The following ERFL variants were observed in gnomAD, a reference collection of about 807,000 sequenced individuals.
The protein encoded by ERFL is ETS repressor factor like.
A neutral mutation model predicts 27.9 loss-of-function variants in ERFL; 8 were observed. The observed-to-expected ratio is 0.29, with a 90% CI of 0.17 to 0.52. The LOEUF (loss-of-function observed/expected upper bound fraction) is 0.52. ERFL is among the 20% of genes least tolerant of loss of function. ERFL has a pLI of 0.97. For synonymous variants in ERFL, 174 were observed against 202.8 expected, an observed-to-expected ratio of 0.86 and a Z score of 1.21; for missense variants, 294 against 444.4, an observed-to-expected ratio of 0.66 and a Z score of 3.04.
chr19:41,912,459 G>A (rs367809856), intron 2 of ERFL, among the ~76,000 whole-genome samples: 7 of 152,276 alleles, frequency 4.6e-5, no homozygotes, highest in South Asian at 4.1e-4. Flanking sequence ...GGGCAGTGCC[G>A]TCTGTCTACC....
intron 1 of ERFL, among the ~76,000 whole-genome samples, chr19:41,926,055 AG>A (rs1398716727): frequency 6.6e-6 from 1 of 152,060 alleles, no homozygotes; most frequent in Non-Finnish European, 1.5e-5. Flanking sequence ...CGAATGTGTG[AG>A]GAACAGGTGA....
chr19:41,909,256 A>G lies in ERFL; in HGVS notation c.498+20T>C, dbSNP rs1334891734. On this transcript the variant is annotated intron_variant, in intron 4 of 5. Transcript: ENST00000597630. This position sits in a 1 kb window ranked among gnomAD's most constrained non-coding sequence, Gnocchi z 5.2. ...GGGCACCAAGTGCCTCGGTTCCAGG[A>G]CCCCAGTACCCAGACTCACCTCAGG... 2.4e-6 allele frequency: 3 copies of G among 1,230,566 alleles called. No individual in the cohort carries two copies. The East Asian group carries it at 9.5e-5, about 39-fold the overall frequency. The allele number at this position is 1,230,566 out of a possible 1,614,324, so 76.2% of individuals were successfully genotyped here. A position where few individuals can be genotyped will look rare whatever the true frequency, so the allele number is the denominator to read the frequency against.
At chr19:41,923,314 C>T in intron 1 of ERFL, 1 of 382,718 alleles carries the variant, frequency 2.6e-6, no homozygotes, top group Non-Finnish European at 5.2e-6. Flanking sequence ...AGGAAAGAGA[C>T]AAGACAAGGA....
Position 41,917,668 on chromosome 19 carries a change from CCT to C in ERFL, c.-13-4738_-13-4737del, listed in dbSNP as rs2074810316. Among the ~76,000 whole-genome samples the C allele has an allele frequency of 1.3e-5, 2 of 151,854 alleles. No homozygotes were observed. The highest frequency in any genetic ancestry group is 4.8e-5 in the African/African-American group (2 of 41,270). On this transcript the variant is annotated intron_variant, in intron 1 of 5. Coordinates refer to ENST00000597630, the MANE Select transcript of ERFL (RefSeq NM_001365103.2). The surrounding 1 kb of genome is among the most constrained non-coding windows in gnomAD (Gnocchi z 4.8). ...CACACGCACGCACGCACACACACAC[CCT>C]GACTGCACCCACCCATGGCCACACG...
chr19:41,927,495 C>T (rs2074878448), intron 1 of ERFL, among the ~76,000 whole-genome samples: 1 of 152,110 alleles, frequency 6.6e-6, no homozygotes, highest in Non-Finnish European at 1.5e-5. Flanking sequence ...GATCCCCAGT[C>T]CCAGATATCC....
In ERFL at chr19:41,916,727, A is replaced by G. The variant is rs556001517; in HGVS notation, c.-13-3795T>C. On this transcript the variant is annotated intron_variant, in intron 1 of 5. Coordinates refer to ENST00000597630, the MANE Select transcript of ERFL (RefSeq NM_001365103.2). The surrounding 1 kb of genome is among the most constrained non-coding windows in gnomAD (Gnocchi z 5.4). Reference sequence around the variant, plus strand: ...CTTGGTCACGCATGGAGCCGTAGAGATACACACACCAGCACCAACCCAGAC... The same window carrying G: ...CTTGGTCACGCATGGAGCCGTAGAGGTACACACACCAGCACCAACCCAGAC... Among the ~76,000 whole-genome samples, 3 of 151,968 alleles carry G rather than the reference A, an allele frequency of 2.0e-5. No homozygotes were observed. Among genetic ancestry groups the G allele is most frequent in the African/African-American group, 2.4e-5 (1 of 41,434 alleles).
At position 41,909,143 on chromosome 19, in the gene ERFL, C is replaced by T. The variant is rs563984406; in HGVS notation, c.533G>A (p.Gly178Glu). 263 of 1,231,914 alleles carry T rather than the reference C, an allele frequency of 2.1e-4. No homozygotes were observed. Among genetic ancestry groups the T allele is most frequent in the Non-Finnish European group, 2.6e-4 (256 of 988,160 alleles). 76.3% of individuals were successfully genotyped at this position (1,231,914 alleles called of 1,614,324 possible). A position where few individuals can be genotyped will look rare whatever the true frequency, so the allele number is the denominator to read the frequency against. Reference protein sequence around the residue: ...LQTLFSAPRLGEPGARTPLFT... With the variant: ...LQTLFSAPRLEEPGARTPLFT... ...CAGGGGTGTCCGGGCCCCTGGCTCTCCCAGGCGTGGGGCAGAGAACAGGGT... is the reference window on the plus strand; with the variant it reads ...CAGGGGTGTCCGGGCCCCTGGCTCTTCCAGGCGTGGGGCAGAGAACAGGGT... The change falls in exon 5 of 6, where the codon GGA (glycine) becomes GAA (glutamate). Residue 178 changes from glycine (G) to glutamate (E), a missense_variant. Gly to Glu is a moderately conservative substitution (Grantham distance 98, BLOSUM62 -2). This residue lies in a region of ERFL where 246 missense variants were observed against 371.4 expected (regional missense o/e 0.66). Transcript: ENST00000597630. This position sits in a 1 kb window ranked among gnomAD's most constrained non-coding sequence, Gnocchi z 5.2.
At position 41,908,099 on chromosome 19, in the gene ERFL, A is replaced by G; in HGVS notation, c.*129T>C. 1 of 658,508 alleles carries G rather than the reference A, an allele frequency of 1.5e-6. No individual in the cohort carries two copies. Among genetic ancestry groups the G allele is most frequent in the Non-Finnish European group, 2.2e-6 (1 of 464,694 alleles). The allele number at this position is 658,508 out of a possible 1,614,324, so 40.8% of individuals were successfully genotyped here. A position where few individuals can be genotyped will look rare whatever the true frequency, so the allele number is the denominator to read the frequency against. On this transcript the variant is annotated 3_prime_UTR_variant, in exon 6 of 6. Coordinates refer to ENST00000597630, the MANE Select transcript of ERFL (RefSeq NM_001365103.2). This position sits in a 1 kb window ranked among gnomAD's most constrained non-coding sequence, Gnocchi z 6.7. ...CCCCACTCTGGGGCTGGGGAAGGAG[A>G]CTGGGGCAGCAATGTGCCCAGACCT...
intron 1 of ERFL, among the ~76,000 whole-genome samples, chr19:41,924,736 T>A (rs530625775): frequency 9.3e-4 from 142 of 152,226 alleles, no homozygotes; most frequent in Non-Finnish European, 1.4e-3. Flanking sequence ...AGGCGACACA[T>A]GTGTCTAACA....
intron 1 of ERFL, among the ~76,000 whole-genome samples, chr19:41,924,696 C>G (rs1398457811): frequency 6.6e-6 from 1 of 151,870 alleles, no homozygotes; most frequent in African/African-American, 2.4e-5. Flanking sequence ...CTGTGCAGTG[C>G]GGGGAGCAGG....
rs1422810029 is a variant in ERFL, at chr19:41,912,904, C to G, written c.16G>C (p.Val6Leu). 1.6e-6 allele frequency: 2 copies of G among 1,231,550 alleles called. No individual in the cohort carries two copies. The highest frequency in any genetic ancestry group is 3.2e-5 in the East Asian group (1 of 31,688). The allele number at this position is 1,231,550 out of a possible 1,614,324, so 76.3% of individuals were successfully genotyped here. Residue 6 changes from valine to leucine, a missense_variant, in exon 2 of 6, where the codon GTC (valine) becomes CTC (leucine). Coordinates refer to ENST00000597630, the MANE Select transcript of ERFL (RefSeq NM_001365103.2). ...GGCGGGGCGAAGAGAAGGTCGGAGA[C>G]GCAGCTACAGTCCATGGCGGAGCCG... MDCSC[V>L]SDLLFAPPAL...
chr19:41,913,635 G>C (rs144248457), intron 1 of ERFL, among the ~76,000 whole-genome samples: 373 of 151,242 alleles, frequency 2.5e-3, no homozygotes, highest in African/African-American at 8.5e-3. Context: ...CTGTCACTTG[G>C]ATCTGCCTCC....
At position 41,921,440 on chromosome 19, in the gene ERFL, G is replaced by GT. The variant is rs2074841779; in HGVS notation, c.-14+6599dup. 6.6e-6 allele frequency among the ~76,000 whole-genome samples: 1 copy of GT among 152,154 alleles called. No individual in the cohort carries two copies. The highest frequency in any genetic ancestry group is 1.5e-5 in the Non-Finnish European group (1 of 68,026). On this transcript the variant is annotated intron_variant, in intron 1 of 5. Transcript: ENST00000597630. The surrounding 1 kb of genome is among the most constrained non-coding windows in gnomAD (Gnocchi z 4.4). ...AAAGAGACACAGAGGACAAGGACAG[G>GT]TCCCACAGAAACAGGAAGCAGACTG...
intron 1 of ERFL, among the ~76,000 whole-genome samples, chr19:41,914,606 C>CCG (rs1356859174): frequency 3.4e-5 from 2 of 59,578 alleles, no homozygotes; most frequent in Non-Finnish European, 6.4e-5. Flanking sequence ...ATCTCTGTCT[C>CCG]TCCCTCCCCT....
At chr19:41,915,235 A>C (rs2074793439) in intron 1 of ERFL, among the ~76,000 whole-genome samples, 1 of 146,322 alleles carries the variant, frequency 6.8e-6, no homozygotes, top group Non-Finnish European at 1.5e-5. Flanking sequence ...TATAACGAGG[A>C]GCCGTGGGAT....
chr19:41,915,131 C>G (rs1599675329), intron 1 of ERFL, among the ~76,000 whole-genome samples: 1 of 112,900 alleles, frequency 8.9e-6, no homozygotes, highest in Admixed American at 8.7e-5. Context: ...TTCCTCCCCC[C>G]GCCCCCACCC....
At chr19:41,922,143 C>T (rs1411581796) in intron 1 of ERFL, among the ~76,000 whole-genome samples, 1 of 152,066 alleles carries the variant, frequency 6.6e-6, no homozygotes, top group African/African-American at 2.4e-5. Flanking sequence ...ACCAGCTACT[C>T]AGGGAGCCCA....
In ERFL at chr19:41,908,637, G is replaced by A; in HGVS notation, c.656C>T (p.Pro219Leu). The A allele has an allele frequency of 8.1e-7, 1 of 1,231,714 alleles. No individual in the cohort carries two copies. The highest frequency in any genetic ancestry group is 1.0e-6 in the Non-Finnish European group (1 of 988,034). The allele number at this position is 1,231,714 out of a possible 1,614,324, so 76.3% of individuals were successfully genotyped here. A position where few individuals can be genotyped will look rare whatever the true frequency, so the allele number is the denominator to read the frequency against. Reference protein sequence around the residue: ...SYSKPPGLLGPYGRAFPEYPW... With the variant: ...SYSKPPGLLGLYGRAFPEYPW... ...GTACTCAGGGAAGGCGCGGCCATAA[G>A]GACCCAGCAGGCCAGGGGGCTTGGA... The change falls in exon 6 of 6, where the codon CCT (proline) becomes CTT (leucine). Residue 219 changes from proline (P) to leucine (L), a missense_variant. By Grantham distance (98) the Pro-to-Leu change is moderately conservative (BLOSUM62 -3). Coordinates refer to ENST00000597630, the MANE Select transcript of ERFL (RefSeq NM_001365103.2). The surrounding 1 kb of genome is among the most constrained non-coding windows in gnomAD (Gnocchi z 6.7).
Position 41,908,931 on chromosome 19 carries a change from A to C in ERFL, c.616+129T>G. ...TCACATCCTTTTCTGGGTTTTACAC[A>C]CACACACCCTACAACCTGGCCCTGG... On this transcript the variant is annotated intron_variant, in intron 5 of 5. Coordinates refer to ENST00000597630, the MANE Select transcript of ERFL (RefSeq NM_001365103.2). The surrounding 1 kb of genome is among the most constrained non-coding windows in gnomAD (Gnocchi z 6.7). 5.5e-6 allele frequency: 3 copies of C among 545,924 alleles called. No homozygotes were observed. Among genetic ancestry groups the C allele is most frequent in the Non-Finnish European group, 8.3e-6 (3 of 362,536 alleles). The allele number at this position is 545,924 out of a possible 1,614,324, so 33.8% of individuals were successfully genotyped here.
Sources: allele counts gnomAD v4.1 joint callset (sites outside exome capture counted in the v4.1 genomes callset), GRCh38; gene constraint gnomAD v4.1.1; regional missense constraint gnomAD v4.1.1; non-coding constraint Gnocchi (gnomAD v3.1); transcripts MANE v1.5; gene names NCBI Gene and HGNC (gene_info 2026-07-23, HGNC 2026-07-21).